NBAS: variants seen among roughly 807,000 people sequenced by gnomAD.
NBAS encodes NAG/BC035112 fusion.
NBAS carries 219 observed loss-of-function variants against 302.5 expected under a neutral mutation model. That is an observed-to-expected ratio of 0.72 (90% CI 0.65 to 0.81). The LOEUF is 0.81. NBAS is among the 30% of genes least tolerant of loss of function. The pLI, the probability that NBAS is intolerant of heterozygous loss-of-function variation, is 0.00. For synonymous variants in NBAS, 1,118 were observed against 1,021.6 expected, an observed-to-expected ratio of 1.09 and a Z score of -1.80; for missense variants, 2,932 against 2,841.6, an observed-to-expected ratio of 1.03 and a Z score of -0.72.
the NBAS span, among the ~76,000 whole-genome samples, chr2:15,100,800 T>G: frequency 6.6e-6 from 1 of 152,198 alleles, no homozygotes. Context: ...TTTCCATCAC[T>G]CTGTGATATT....
chr2:15,141,225 A>C, the NBAS span, among the ~76,000 whole-genome samples: 1 of 149,546 alleles, frequency 6.7e-6, no homozygotes, highest in Non-Finnish European at 1.5e-5. Context: ...CTCCCTCTGC[A>C]GAGCTCTACA....
the NBAS span, among the ~76,000 whole-genome samples, chr2:15,027,954 G>T: frequency 2.0e-5 from 3 of 152,064 alleles, no homozygotes; most frequent in Non-Finnish European, 2.9e-5. Context: ...TTTCATTGAT[G>T]TTGAAACTTC....
At chr2:15,219,659 A>C (rs949677746) in intron 47 of NBAS, among the ~76,000 whole-genome samples, 12 of 139,504 alleles carry the variant, frequency 8.6e-5, no homozygotes, top group Non-Finnish European at 1.8e-4. Context: ...ACAGATCAAC[A>C]GGATCCCAAG....
chr2:15,240,085 T>C (rs1372522874), intron 44 of NBAS, among the ~76,000 whole-genome samples: 2 of 152,162 alleles, frequency 1.3e-5, no homozygotes, highest in Non-Finnish European at 2.9e-5. Context: ...ACATTTTTAC[T>C]ATATCCTCAA....
At chr2:15,042,751 C>T in the NBAS span, among the ~76,000 whole-genome samples, 1 of 152,182 alleles carries the variant, frequency 6.6e-6, no homozygotes, top group African/African-American at 2.4e-5. Context: ...TAACAGGACT[C>T]AAATCCATAA....
Position 15,366,446 on chromosome 2 carries a change from C to A in NBAS, c.3817+134G>T, listed in dbSNP as rs1486791276. On this transcript the variant is annotated intron_variant, in intron 32 of 51. Coordinates refer to ENST00000281513, the MANE Select transcript of NBAS (RefSeq NM_015909.4). ...AGATTTCACTGCACTCCAGCCTGAG[C>A]AACAGAGCGAGACCCTGTCTAATAA... The A allele has an allele frequency of 3.5e-5, 29 of 835,940 alleles. 1 individual carries two copies. Among genetic ancestry groups the A allele is most frequent in the Non-Finnish European group, 2.0e-5 (10 of 502,474 alleles). 51.8% of individuals were successfully genotyped at this position (835,940 alleles called of 1,614,324 possible).
At chr2:15,049,956 G>A in the NBAS span, among the ~76,000 whole-genome samples, 2 of 152,226 alleles carry the variant, frequency 1.3e-5, no homozygotes, top group East Asian at 3.9e-4. Flanking sequence ...TCTGCTGGCT[G>A]CCCTCGGCCA....
chr2:15,227,579 C>T (rs1667198617), intron 47 of NBAS, among the ~76,000 whole-genome samples: 1 of 152,124 alleles, frequency 6.6e-6, no homozygotes, highest in African/African-American at 2.4e-5. Context: ...TGCTTGACCT[C>T]AAAATATACA....
At chr2:15,455,574 T>G (rs1359384967) in intron 21 of NBAS, among the ~76,000 whole-genome samples, 1 of 152,012 alleles carries the variant, frequency 6.6e-6, no homozygotes, top group Non-Finnish European at 1.5e-5. Flanking sequence ...GATTCTGTAT[T>G]AATAATAATT....
chr2:15,134,631 T>C, the NBAS span, among the ~76,000 whole-genome samples: 2 of 152,208 alleles, frequency 1.3e-5, no homozygotes, highest in African/African-American at 2.4e-5. Flanking sequence ...CAGTCAGAAA[T>C]GCAACTTGTT....
intron 40 of NBAS, among the ~76,000 whole-genome samples, chr2:15,294,625 C>CTTCA (rs1670463654): frequency 1.3e-5 from 2 of 152,200 alleles, no homozygotes; most frequent in South Asian, 2.1e-4. Context: ...GCTGGCCCAT[C>CTTCA]TTCACCTGCT....
the NBAS span, among the ~76,000 whole-genome samples, chr2:15,031,453 A>T: frequency 6.6e-6 from 1 of 152,170 alleles, no homozygotes; most frequent in African/African-American, 2.4e-5. Context: ...AGGCCTCGAG[A>T]CAATGAATGC....
At chr2:15,107,338 T>C in the NBAS span, among the ~76,000 whole-genome samples, 1 of 152,120 alleles carries the variant, frequency 6.6e-6, no homozygotes, top group African/African-American at 2.4e-5. Context: ...CCGACCATGC[T>C]GGCTCCTGGA....
chr2:14,957,679 T>C, the NBAS span, among the ~76,000 whole-genome samples: 3 of 152,184 alleles, frequency 2.0e-5, no homozygotes, highest in African/African-American at 7.2e-5. Context: ...TCCCTCACCA[T>C]ACACGTCTTC....
intron 21 of NBAS, among the ~76,000 whole-genome samples, chr2:15,436,713 CA>C (rs1193762618): frequency 1.3e-5 from 2 of 152,174 alleles, no homozygotes; most frequent in African/African-American, 4.8e-5. Context: ...CCAAGCTTAT[CA>C]GACTTTCTTC....
the NBAS span, among the ~76,000 whole-genome samples, chr2:15,124,829 T>G: frequency 7.3e-3 from 1,108 of 152,232 alleles, 14 homozygotes; most frequent in African/African-American, 0.025. Flanking sequence ...CTTAGCGGCT[T>G]CCACCTAGAT....
intron 44 of NBAS, among the ~76,000 whole-genome samples, chr2:15,252,981 T>C (rs182943067): frequency 1.3e-3 from 192 of 151,882 alleles, no homozygotes; most frequent in Middle Eastern, 3.4e-3. Flanking sequence ...AAAAAGAAGG[T>C]GACACCTGAA....
chr2:15,100,321 A>C, the NBAS span, among the ~76,000 whole-genome samples: 9 of 152,198 alleles, frequency 5.9e-5, no homozygotes, highest in Admixed American at 3.3e-4. Context: ...GGAACTTTAA[A>C]AAGATCCAAG....
At chr2:15,092,414 A>G in the NBAS span, among the ~76,000 whole-genome samples, 1 of 152,222 alleles carries the variant, frequency 6.6e-6, no homozygotes, top group Non-Finnish European at 1.5e-5. Flanking sequence ...TGTGAATCAC[A>G]AGGAGTATTG....
Sources: gnomAD v4.1 joint callset for allele counts (sites outside exome capture counted in the v4.1 genomes callset) on GRCh38, gnomAD v4.1.1 for gene constraint, MANE v1.5 for transcripts, NCBI Gene and HGNC (gene_info 2026-07-23, HGNC 2026-07-21) for gene names.